Variants in LRRC39 observed in about 807,000 individuals in gnomAD.
LRRC39 encodes the protein leucine-rich repeat-containing protein 39.
A neutral mutation model predicts 39.7 loss-of-function variants in LRRC39; 35 were observed. The ratio of observed to expected loss-of-function variants is 0.88; its 90% CI spans 0.67 to 1.17. The LOEUF (loss-of-function observed/expected upper bound fraction) is 1.17. LRRC39 is among the 50% of genes most tolerant of loss of function. LRRC39 has a pLI of 0.00. For synonymous variants in LRRC39, 113 were observed against 134.1 expected (o/e 0.84, Z 1.09); for missense variants, 357 against 385.8 (o/e 0.93, Z 0.62).
chr1:100,154,909 T>C (rs1273393411), intron 8 of LRRC39, 142 bp downstream of exon 8: 1 of 688,734 alleles, frequency 1.5e-6, no homozygotes, highest in African/African-American at 1.9e-5. Context: ...AATTATAGAA[T>C]GTCAACATTG....
At chr1:100,179,583 T>TAAAAC (rs1460513654), upstream of LRRC39, among the ~76,000 whole-genome samples, 3 of 123,710 alleles carry the variant, frequency 2.4e-5, no homozygotes, top group Admixed American at 1.6e-4. Context: ...TAAAATAAAA[T>TAAAAC]AAAACTAGCC....
chr1:100,149,121 C>T (rs755556756), intron 9 of LRRC39, 24 bp from the exon 10 acceptor site: 58 of 1,583,630 alleles, frequency 3.7e-5, no homozygotes, highest in Middle Eastern at 1.7e-4. Flanking sequence ...AACATGTCAA[C>T]ACATAATTAG....
At chr1:100,170,285 A>G (rs1278661062) in intron 2 of LRRC39, among the ~76,000 whole-genome samples, 1 of 152,268 alleles carries the variant, frequency 6.6e-6, no homozygotes, top group Non-Finnish European at 1.5e-5. Context: ...TGGTATATCC[A>G]TACAATGGAA....
intron 3 of LRRC39, among the ~76,000 whole-genome samples, chr1:100,165,984 C>T (rs1659215247): frequency 6.6e-6 from 1 of 150,850 alleles, no homozygotes; most frequent in South Asian, 2.1e-4. Flanking sequence ...AAGCAATTCT[C>T]CTGCCTCAGG....
intron 3 of LRRC39, among the ~76,000 whole-genome samples, chr1:100,161,272 C>T (rs1248571829): frequency 4.6e-5 from 7 of 152,164 alleles, no homozygotes; most frequent in African/African-American, 1.7e-4. Context: ...CCCTCTCATA[C>T]CTCTTGGTAA....
At position 100,152,415 on chromosome 1, in the gene LRRC39, T is replaced by C; in HGVS notation, c.922A>G (p.Thr308Ala). Residue 308 changes from threonine (T) to alanine (A), a missense_variant, in exon 9 of 10, where the codon ACA (threonine) becomes GCA (alanine). By Grantham distance (58) the Thr-to-Ala change is moderately conservative (BLOSUM62 0). Transcript: ENST00000370137. ...CTTCTCCGTGACTCTTGTATGTATG[T>C]GTGCATAAACTGAAGGCCAAATAAT... ...RELFGLQFMH[T>A]YIQESRRRAD... 6.2e-7 allele frequency: 1 copy of C among 1,614,094 alleles called. No individual in the cohort carries two copies. The highest frequency in any genetic ancestry group is 8.5e-7 in the Non-Finnish European group (1 of 1,179,996).
At chr1:100,162,737 G>A (rs187736339) in intron 3 of LRRC39, among the ~76,000 whole-genome samples, 1 of 152,138 alleles carries the variant, frequency 6.6e-6, no homozygotes, top group East Asian at 1.9e-4. Context: ...AGTAAGTTTA[G>A]AATTGAAAAT....
At chr1:100,177,750 C>T (rs1487499215) in intron 1 of LRRC39, among the ~76,000 whole-genome samples, 1 of 151,608 alleles carries the variant, frequency 6.6e-6, no homozygotes, top group Non-Finnish European at 1.5e-5. Context: ...AAATGTTGCT[C>T]ATCCATCAGT....
chr1:100,149,131 G>A (rs771705823), intron 9 of LRRC39, 34 bp from the exon 10 acceptor site: 1 of 1,570,732 alleles, frequency 6.4e-7, no homozygotes, highest in African/African-American at 1.4e-5. Context: ...CACATAATTA[G>A]CGTATTTCTG....
chr1:100,165,566 C>G (rs1659181390), intron 3 of LRRC39, among the ~76,000 whole-genome samples: 1 of 152,150 alleles, frequency 6.6e-6, no homozygotes, highest in South Asian at 2.1e-4. Flanking sequence ...TCCTCCCTGT[C>G]AAGATCTTTT....
intron 1 of LRRC39, among the ~76,000 whole-genome samples, chr1:100,174,119 C>G (rs1234579182): frequency 6.6e-6 from 1 of 152,046 alleles, no homozygotes; most frequent in Non-Finnish European, 1.5e-5. Context: ...ACAAAATAGC[C>G]CAGACACTCT....
chr1:100,153,592 GA>G (rs1339506339), intron 8 of LRRC39, among the ~76,000 whole-genome samples: 1 of 151,710 alleles, frequency 6.6e-6, no homozygotes, highest in Non-Finnish European at 1.5e-5. Flanking sequence ...AACTCAACAA[GA>G]AAAAAACCAA....
chr1:100,159,790 A>G (rs953720002), intron 4 of LRRC39, among the ~76,000 whole-genome samples: 3 of 151,958 alleles, frequency 2.0e-5, no homozygotes, highest in African/African-American at 7.2e-5. Flanking sequence ...AATAATTTCA[A>G]TCAATAATTC....
chr1:100,178,527 T>C (rs1180345748), upstream of LRRC39, among the ~76,000 whole-genome samples: 1 of 152,172 alleles, frequency 6.6e-6, no homozygotes. Flanking sequence ...AATATGTTGA[T>C]GTATGCCACA....
upstream of LRRC39, among the ~76,000 whole-genome samples, chr1:100,179,245 T>A (rs1660141129): frequency 1.3e-5 from 2 of 152,014 alleles, no homozygotes; most frequent in Non-Finnish European, 2.9e-5. Context: ...TATAATGAAT[T>A]AAGTTCTAAG....
intron 3 of LRRC39, among the ~76,000 whole-genome samples, chr1:100,161,169 A>T (rs960953338): frequency 6.6e-6 from 1 of 152,202 alleles, no homozygotes; most frequent in Admixed American, 6.5e-5. Flanking sequence ...GTATATTCAC[A>T]GATTTGTGCA....
At position 100,149,585 on chromosome 1, in the gene LRRC39, A is replaced by AT. The variant is rs373707050; in HGVS notation, c.953-489dup. The AT allele has an allele frequency of 9.6e-5, 60 of 622,898 alleles. 3 individuals are homozygous for AT. The South Asian group carries it at 1.4e-3, about 14-fold the overall frequency. The allele number at this position is 622,898 out of a possible 1,614,324, so 38.6% of individuals were successfully genotyped here. On this transcript the variant is annotated intron_variant, in intron 9 of 9. Transcript: ENST00000370137. Reference sequence around the variant, plus strand: ...GCTATCTCATATCTTTTATCAGGTCATTTTTTATATATGTAGGCACAAACA... The same window carrying AT: ...GCTATCTCATATCTTTTATCAGGTCATTTTTTTATATATGTAGGCACAAACA...
chr1:100,148,861 A>G lies in LRRC39; in HGVS notation c.*181T>C, dbSNP rs1310472080. The G allele has an allele frequency of 7.8e-7, 1 of 1,280,128 alleles. No homozygotes were observed. The highest frequency in any genetic ancestry group is 1.0e-6 in the Non-Finnish European group (1 of 990,874). 79.3% of individuals were successfully genotyped at this position (1,280,128 alleles called of 1,614,324 possible). ...AGCATCATCTGTCTTCCACCAAAAA[A>G]AATTTTTTAATTATATTTTTATATC... On this transcript the variant is annotated 3_prime_UTR_variant, in exon 10 of 10. Coordinates refer to ENST00000370137, the MANE Select transcript of LRRC39 (RefSeq NM_144620.4).
upstream of LRRC39, among the ~76,000 whole-genome samples, chr1:100,178,469 A>C (rs1660096639): frequency 6.6e-6 from 1 of 152,210 alleles, no homozygotes; most frequent in Non-Finnish European, 1.5e-5. Flanking sequence ...CAGCTTAATC[A>C]TTTCACAGAA....
Sources: gnomAD v4.1 joint callset for allele counts (sites outside exome capture counted in the v4.1 genomes callset) on GRCh38, gnomAD v4.1.1 for gene constraint, MANE v1.5 for transcripts, NCBI Gene and HGNC (gene_info 2026-07-23, HGNC 2026-07-21) for gene names.